Variants in NRG1 observed in about 807,000 individuals in gnomAD.
NRG1 encodes neuregulin 1, also known as pro-neuregulin-1, membrane-bound isoform.
NRG1 carries 18 observed loss-of-function variants against 63.8 expected under a neutral mutation model. The observed-to-expected ratio is 0.28, with a 90% confidence interval of 0.19 to 0.42. NRG1 has a LOEUF of 0.42. Among genes scored for constraint, NRG1 ranks in the 10% least tolerant of loss-of-function variants. The pLI is 1.00. For synonymous variants in NRG1, 302 were observed against 301.3 expected, an observed-to-expected ratio of 1.00 and a Z score of -0.02; for missense variants, 762 against 814.7, an observed-to-expected ratio of 0.94 and a Z score of 0.79.
chr8:31,655,841 G>A (rs1243989770), intron 1 of NRG1, among the ~76,000 whole-genome samples: 4 of 152,218 alleles, frequency 2.6e-5, no homozygotes, highest in Non-Finnish European at 5.9e-5. Context: ...GCTTCTTTTA[G>A]CCTTGGCTGT....
exon 4 of NRG1, chr8:32,614,563 A>G (rs1461767650): frequency 1.2e-6 from 2 of 1,611,964 alleles, no homozygotes; most frequent in Non-Finnish European, 1.7e-6. Flanking sequence ...ATGTGTCTTC[A>G]GGTAAGGAAA....
chr8:32,303,191 A>G (rs1013866072), intron 1 of NRG1, among the ~76,000 whole-genome samples: 11 of 142,828 alleles, frequency 7.7e-5, no homozygotes, highest in Non-Finnish European at 1.4e-4. Flanking sequence ...CTCCAAAAAA[A>G]AAAAAAAAAA....
intron 1 of NRG1, among the ~76,000 whole-genome samples, chr8:32,221,658 C>T (rs1254084563): frequency 6.6e-6 from 1 of 151,902 alleles, no homozygotes; most frequent in Non-Finnish European, 1.5e-5. Flanking sequence ...TTTGTTTTCT[C>T]TGAAAAAGAG....
intron 1 of NRG1, among the ~76,000 whole-genome samples, chr8:31,649,938 A>C (rs922703713): frequency 6.6e-6 from 1 of 152,062 alleles, no homozygotes; most frequent in African/African-American, 2.4e-5. Context: ...ATCCCCTTCT[A>C]ATCAGTACGC....
chr8:32,095,334 G>C, intron 1 of NRG1, among the ~76,000 whole-genome samples: 2 of 152,214 alleles, frequency 1.3e-5, no homozygotes, highest in Admixed American at 1.3e-4. Context: ...TCATCATCTC[G>C]TCAAGCAGAG....
chr8:32,420,774 GGC>G, intron 1 of NRG1, among the ~76,000 whole-genome samples: 1 of 152,202 alleles, frequency 6.6e-6, no homozygotes, highest in East Asian at 1.9e-4. Context: ...GATATGGTTT[GGC>G]TGTATGTCTC....
intron 1 of NRG1, among the ~76,000 whole-genome samples, chr8:32,417,690 T>C (rs1816112897): frequency 6.7e-6 from 1 of 148,186 alleles, no homozygotes; most frequent in Admixed American, 6.8e-5. Flanking sequence ...AAGAACCTGT[T>C]AGGATATTCT....
At chr8:31,818,632 C>T (rs1165731123) in intron 1 of NRG1, among the ~76,000 whole-genome samples, 2 of 152,174 alleles carry the variant, frequency 1.3e-5, no homozygotes, top group African/African-American at 4.8e-5. Context: ...ACTGATTTAA[C>T]AGGCTGCGGA....
chr8:32,754,527 G>A (rs1407403483), intron 8 of NRG1, 53 bp downstream of exon 8: 1 of 1,536,332 alleles, frequency 6.5e-7, no homozygotes, highest in African/African-American at 1.4e-5. Flanking sequence ...AGACAGCTTA[G>A]ATGGCCAGGG....
chr8:32,177,945 T>C (rs949686908), intron 1 of NRG1, among the ~76,000 whole-genome samples: 3 of 152,094 alleles, frequency 2.0e-5, no homozygotes, highest in African/African-American at 4.8e-5. Flanking sequence ...TAGAATGCTC[T>C]ACCTGTGTTA....
At chr8:32,088,858 A>G (rs1828679752) in intron 1 of NRG1, among the ~76,000 whole-genome samples, 1 of 151,994 alleles carries the variant, frequency 6.6e-6, no homozygotes, top group South Asian at 2.1e-4. Flanking sequence ...TATGTTAGAA[A>G]ACAGTAATCC....
At chr8:31,996,087 G>A (rs533248879) in intron 1 of NRG1, among the ~76,000 whole-genome samples, 1 of 151,280 alleles carries the variant, frequency 6.6e-6, no homozygotes, top group South Asian at 2.1e-4. Flanking sequence ...TTCTTCGTCT[G>A]CACTGTTATG....
intron 1 of NRG1, among the ~76,000 whole-genome samples, chr8:32,161,348 A>C (rs1285566392): frequency 1.3e-5 from 2 of 152,224 alleles, no homozygotes; most frequent in Admixed American, 1.3e-4. Context: ...AGAAAGAGCC[A>C]GAGTACAAGC....
intron 1 of NRG1, among the ~76,000 whole-genome samples, chr8:32,296,451 T>G (rs1005907598): frequency 1.3e-5 from 2 of 151,890 alleles, no homozygotes; most frequent in Non-Finnish European, 1.5e-5. Context: ...TCGTCTCTAC[T>G]GAAAATACAA....
intron 1 of NRG1, chr8:32,098,884 A>G (rs758096004): frequency 6.6e-6 from 1 of 152,198 alleles, no homozygotes; most frequent in Non-Finnish European, 1.5e-5. Flanking sequence ...CCACATAACC[A>G]TGGGTAGCCA....
chr8:32,320,701 C>T (rs117070246), intron 1 of NRG1, among the ~76,000 whole-genome samples: 3 of 152,236 alleles, frequency 2.0e-5, no homozygotes, highest in South Asian at 2.1e-4. Context: ...GATTACAATT[C>T]GACCTGAGAT....
At chr8:32,138,081 T>G (rs1835778925) in intron 1 of NRG1, among the ~76,000 whole-genome samples, 1 of 151,808 alleles carries the variant, frequency 6.6e-6, no homozygotes, top group South Asian at 2.1e-4. Flanking sequence ...AGAGGAAGAG[T>G]AGAGAACCCC....
intron 5 of NRG1, among the ~76,000 whole-genome samples, chr8:32,697,392 C>T (rs1199212663): frequency 1.3e-5 from 2 of 152,182 alleles, no homozygotes; most frequent in South Asian, 4.1e-4. Context: ...GTTAACTGCT[C>T]ATTTTTAGCT....
intron 1 of NRG1, among the ~76,000 whole-genome samples, chr8:32,086,857 GTCT>G (rs1828293837): frequency 6.6e-6 from 1 of 152,182 alleles, no homozygotes; most frequent in Non-Finnish European, 1.5e-5. Flanking sequence ...TAATGAGTCA[GTCT>G]TCTTGAAGTT....
Sources: gnomAD v4.1 joint callset for allele counts (sites outside exome capture counted in the v4.1 genomes callset) on GRCh38, gnomAD v4.1.1 for gene constraint, MANE v1.5 for transcripts, NCBI Gene and HGNC (gene_info 2026-07-23, HGNC 2026-07-21) for gene names.